The following AGMO variants were observed in gnomAD, a reference collection of about 807,000 sequenced individuals.
The protein encoded by AGMO is alkylglycerol monooxygenase.
A neutral mutation model predicts 60.2 loss-of-function variants in AGMO; 75 were observed. The ratio of observed to expected loss-of-function variants is 1.25; its 90% CI spans 1.03 to 1.51. The LOEUF is 1.51. AGMO is among the 40% of genes most tolerant of loss of function. The probability of loss-of-function intolerance (pLI) is 0.00; values close to 1 mark genes in which losing one functional copy is unlikely to be tolerated. For missense variants in AGMO, 763 were observed against 525.5 expected (o/e 1.45, Z -4.42); for synonymous variants, 261 against 177.1 (o/e 1.47, Z -3.76).
chr7:15,232,371 C>T (rs1782285661), intron 12 of AGMO, among the ~76,000 whole-genome samples: 1 of 152,182 alleles, frequency 6.6e-6, no homozygotes, highest in South Asian at 2.1e-4. Context: ...TAGCTTTTCC[C>T]TTTTCCCCCT....
intron 12 of AGMO, among the ~76,000 whole-genome samples, chr7:15,268,702 A>T (rs1030328682): frequency 7.2e-5 from 11 of 151,964 alleles, no homozygotes; most frequent in Admixed American, 1.3e-4. Context: ...TTCTTTTTTT[A>T]AAAAAAGATG....
At chr7:15,417,160 T>C (rs1039525206) in intron 5 of AGMO, among the ~76,000 whole-genome samples, 4 of 152,158 alleles carry the variant, frequency 2.6e-5, no homozygotes, top group Admixed American at 2.6e-4. Flanking sequence ...AGATCAACTG[T>C]AGGAACCCAC....
chr7:15,375,858 G>A (rs537680919), intron 10 of AGMO, among the ~76,000 whole-genome samples: 1 of 152,050 alleles, frequency 6.6e-6, no homozygotes, highest in Non-Finnish European at 1.5e-5. Flanking sequence ...CATTGTGTTT[G>A]TTATGTAACT....
At chr7:15,409,477 G>C (rs1213468668) in intron 5 of AGMO, among the ~76,000 whole-genome samples, 1 of 151,890 alleles carries the variant, frequency 6.6e-6, no homozygotes, top group African/African-American at 2.4e-5. Flanking sequence ...AACGTTCTTA[G>C]CCTTAAAAGG....
At chr7:15,548,237 GA>G (rs1169227611) in intron 2 of AGMO, among the ~76,000 whole-genome samples, 1 of 152,090 alleles carries the variant, frequency 6.6e-6, no homozygotes, top group Non-Finnish European at 1.5e-5. Context: ...AGAAAAACTG[GA>G]AACTCTAAAA....
the AGMO span, among the ~76,000 whole-genome samples, chr7:15,173,303 T>G: frequency 6.6e-6 from 1 of 152,124 alleles, no homozygotes; most frequent in Non-Finnish European, 1.5e-5. Context: ...TTCCTATTTC[T>G]TGAAAACAAA....
chr7:15,379,096 G>A (rs1244423592), intron 10 of AGMO, among the ~76,000 whole-genome samples: 2 of 151,970 alleles, frequency 1.3e-5, no homozygotes, highest in East Asian at 3.9e-4. Context: ...CAACATACCA[G>A]AATCTCTAGG....
rs1784549716 is a variant in AGMO at position 15,539,018 on chromosome 7, T to C, written c.409+5754A>G. 1.3e-5 allele frequency among the ~76,000 whole-genome samples: 2 copies of C among 152,216 alleles called. 1 individual carries two copies. Among genetic ancestry groups the C allele is most frequent in the Non-Finnish European group, 2.9e-5 (2 of 68,046 alleles). On this transcript the variant is annotated intron_variant, in intron 3 of 12. Coordinates refer to ENST00000342526, the MANE Select transcript of AGMO (RefSeq NM_001004320.2). Reference sequence around the variant, plus strand: ...CAACAGTTTTGGATGATGATCCTGCTTTCAGGACTAAACAAAATTTTGTAG... The same window carrying C: ...CAACAGTTTTGGATGATGATCCTGCCTTCAGGACTAAACAAAATTTTGTAG...
intron 12 of AGMO, among the ~76,000 whole-genome samples, chr7:15,277,502 T>A (rs1287792607): frequency 1.3e-5 from 2 of 151,750 alleles, no homozygotes; most frequent in African/African-American, 4.8e-5. Context: ...TGACACTTCT[T>A]GCTTTTGGAT....
At chr7:15,139,328 T>C in the AGMO span, among the ~76,000 whole-genome samples, 730 of 152,248 alleles carry the variant, frequency 4.8e-3, 3 homozygotes, top group African/African-American at 0.016. Context: ...CTCCTGAAAA[T>C]GGGGCTTTTA....
At chr7:15,485,676 G>A (rs907752720) in intron 3 of AGMO, among the ~76,000 whole-genome samples, 2 of 152,090 alleles carry the variant, frequency 1.3e-5, no homozygotes, top group Non-Finnish European at 2.9e-5. Flanking sequence ...TGGCAGCCTT[G>A]GAAGAAAACG....
intron 3 of AGMO, among the ~76,000 whole-genome samples, chr7:15,458,189 T>C (rs1057226413): frequency 3.9e-5 from 6 of 152,130 alleles, no homozygotes; most frequent in Admixed American, 3.9e-4. Flanking sequence ...CTGTCCCTCC[T>C]TCAACAGCCA....
intron 12 of AGMO, among the ~76,000 whole-genome samples, chr7:15,272,350 A>G (rs1160858689): frequency 7.1e-6 from 1 of 140,254 alleles, no homozygotes; most frequent in African/African-American, 2.7e-5. Context: ...TCGTTGTTCA[A>G]TTCCCACCTA....
chr7:15,368,744 G>C (rs1461946648), intron 10 of AGMO, among the ~76,000 whole-genome samples: 1 of 152,064 alleles, frequency 6.6e-6, no homozygotes, highest in African/African-American at 2.4e-5. Context: ...GTTCTAATTA[G>C]CTCTTCCAGA....
At chr7:15,215,990 G>C (rs1781726903) in intron 12 of AGMO, among the ~76,000 whole-genome samples, 1 of 152,032 alleles carries the variant, frequency 6.6e-6, no homozygotes, top group South Asian at 2.1e-4. Context: ...GTCATTCAAA[G>C]ATTCCTCCTT....
rs768686109 is a variant in AGMO at position 15,390,847 on chromosome 7, T to C, written c.735A>G (p.Lys245=). 1 of 1,605,086 alleles carries C rather than the reference T, an allele frequency of 6.2e-7. No homozygotes were observed. Among genetic ancestry groups the C allele is most frequent in the South Asian group, 1.1e-5 (1 of 89,424 alleles). The change falls in exon 7 of 13, where the codon AAA becomes AAG. Residue 245 remains lysine, a synonymous_variant. Coordinates refer to ENST00000342526, the MANE Select transcript of AGMO (RefSeq NM_001004320.2). ...NYAGVLIIWD[K]IFGTFEAENE... Reference sequence around the variant, plus strand: ...TTAATACATTTTACTTACCAAAAATTTTATCCCAAATAATAAGAACACCAG... The same window carrying C: ...TTAATACATTTTACTTACCAAAAATCTTATCCCAAATAATAAGAACACCAG...
intron 12 of AGMO, among the ~76,000 whole-genome samples, chr7:15,219,554 T>C (rs1301878069): frequency 6.6e-6 from 1 of 151,896 alleles, no homozygotes; most frequent in Non-Finnish European, 1.5e-5. Context: ...GAAGCACAAG[T>C]AAAGAGTAAA....
chr7:15,436,747 T>G (rs1032446182), intron 3 of AGMO, among the ~76,000 whole-genome samples: 40 of 152,154 alleles, frequency 2.6e-4, no homozygotes, highest in Admixed American at 2.0e-4. Flanking sequence ...CTCTTTCCTC[T>G]TTTGGATTTT....
intron 3 of AGMO, among the ~76,000 whole-genome samples, chr7:15,432,335 T>TATACATATACATAC (rs1562504337): frequency 8.8e-5 from 12 of 136,624 alleles, no homozygotes; most frequent in South Asian, 4.7e-4. Flanking sequence ...TATGTATATA[T>TATACATATACATAC]ATATATATAT....
Sources: gnomAD v4.1 joint callset for allele counts (sites outside exome capture counted in the v4.1 genomes callset) on GRCh38, gnomAD v4.1.1 for gene constraint, MANE v1.5 for transcripts, NCBI Gene and HGNC (gene_info 2026-07-23, HGNC 2026-07-21) for gene names.